Variants in PATJ observed in about 807,000 individuals in gnomAD.
The protein encoded by PATJ is PATJ crumbs cell polarity complex component, also known as inaD-like protein.
PATJ carries 190 observed loss-of-function variants against 224.9 expected under a neutral mutation model. The observed-to-expected ratio is 0.84, with a 90% CI of 0.75 to 0.95. The LOEUF (loss-of-function observed/expected upper bound fraction) is 0.95, where lower values mean the gene tolerates loss of function less well. PATJ is among the 40% of genes least tolerant of loss of function. The pLI is 0.00. For missense variants in PATJ, 2,121 were observed against 2,270.3 expected (o/e 0.93, Z 1.34); for synonymous variants, 769 against 820.3 (o/e 0.94, Z 1.07).
rs1187254775 is a variant in PATJ at position 62,086,215 on chromosome 1, GATTA to G, written c.4377+1574_4377+1577del. Among the ~76,000 whole-genome samples the G allele has an allele frequency of 7.5e-6, 1 of 133,082 alleles. No individual in the cohort carries two copies. Among genetic ancestry groups the G allele is most frequent in the Non-Finnish European group, 1.6e-5 (1 of 64,222 alleles). The allele number at this position is 133,082 out of a possible 152,430, so 87.3% of individuals were successfully genotyped here. ...CTGGGTTTTGATTTACTCAAGATGT[GATTA>G]ATTAATGCATGTGTGTGTGTGTGTA... On this transcript the variant is annotated intron_variant, in intron 33 of 43. Coordinates refer to ENST00000642238, the MANE Select transcript of PATJ (RefSeq NM_001350145.3). This position sits in a 1 kb window ranked among gnomAD's most constrained non-coding sequence, Gnocchi z 4.0.
At chr1:61,764,371 G>T (rs1297843969) in intron 3 of PATJ, among the ~76,000 whole-genome samples, 1 of 151,570 alleles carries the variant, frequency 6.6e-6, no homozygotes, top group African/African-American at 2.4e-5. Flanking sequence ...TATTGAATAA[G>T]GGACACATAT....
At chr1:61,986,438 G>T (rs1644760255) in intron 27 of PATJ, among the ~76,000 whole-genome samples, 1 of 151,848 alleles carries the variant, frequency 6.6e-6, no homozygotes, top group Admixed American at 6.6e-5. Flanking sequence ...TTTACTTTTA[G>T]AGATGGGGGT....
chr1:61,816,026 G>C (rs1656038264), intron 14 of PATJ, among the ~76,000 whole-genome samples: 1 of 152,074 alleles, frequency 6.6e-6, no homozygotes, highest in Admixed American at 6.5e-5. Context: ...TCGCTTGTGT[G>C]GGAAACAAAA....
chr1:61,902,151 G>A (rs889187146), intron 24 of PATJ, among the ~76,000 whole-genome samples: 12 of 151,960 alleles, frequency 7.9e-5, no homozygotes, highest in Admixed American at 2.0e-4. Flanking sequence ...AACCCTGGAG[G>A]TGGGGGTCTC....
intron 29 of PATJ, among the ~76,000 whole-genome samples, chr1:62,031,011 G>A (rs1332632): frequency 0.13 from 20,328 of 152,148 alleles, 1,575 homozygotes; most frequent in Middle Eastern, 0.26. Flanking sequence ...CTTGTATAGA[G>A]CATGTTAGAA....
chr1:61,781,272 G>T (rs1198977502), intron 7 of PATJ, among the ~76,000 whole-genome samples: 1 of 152,194 alleles, frequency 6.6e-6, no homozygotes, highest in Non-Finnish European at 1.5e-5. Flanking sequence ...AGGAACAAGA[G>T]AGCTATTATC....
rs545535182 is a variant in PATJ, at chr1:62,037,848, A to T, written c.3960-129A>T. 2.0e-5 allele frequency: 6 copies of T among 303,176 alleles called. No individual in the cohort carries two copies. The East Asian group carries it at 2.4e-4, about 12-fold the overall frequency. The allele number at this position is 303,176 out of a possible 1,614,324, so 18.8% of individuals were successfully genotyped here. Reference sequence around the variant, plus strand: ...CTATATATATGGAAGCTATATATTTATATATATATATTTAATTCTATGATG... The same window carrying T: ...CTATATATATGGAAGCTATATATTTTTATATATATATTTAATTCTATGATG... On this transcript the variant is annotated intron_variant, in intron 29 of 43. Transcript: ENST00000642238.
intron 22 of PATJ, among the ~76,000 whole-genome samples, chr1:61,885,392 A>T (rs1668672110): frequency 6.6e-6 from 1 of 152,228 alleles, no homozygotes; most frequent in Non-Finnish European, 1.5e-5. Flanking sequence ...ACTTCTCAAA[A>T]GAAGACATTT....
In PATJ at chr1:61,908,460, A is replaced by C. The variant is rs1672156645; in HGVS notation, c.3470A>C (p.Gln1157Pro). ...NAGNPVVFIV[Q>P]SLSSTPRVIP... ...GGAAACCCTGTGGTGTTCATTGTTC[A>C]GAGTTTGTCATCCACTCCACGAGTA... Residue 1157 changes from glutamine (Q) to proline (P), a missense_variant, in exon 25 of 44, where the codon CAG (glutamine) becomes CCG (proline). Physicochemically the swap from Gln to Pro is moderately conservative, Grantham distance 76. Transcript: ENST00000642238. 2 of 1,613,208 alleles carry C rather than the reference A, an allele frequency of 1.2e-6. No homozygotes were observed. The highest frequency in any genetic ancestry group is 1.7e-4 in the Middle Eastern group (1 of 6,060).
intron 4 of PATJ, among the ~76,000 whole-genome samples, chr1:61,768,825 A>C (rs1406708285): frequency 6.6e-6 from 1 of 152,062 alleles, no homozygotes; most frequent in Non-Finnish European, 1.5e-5. Flanking sequence ...GCTTGAGCCC[A>C]GAAGACGGAG....
At chr1:61,751,805 A>G (rs993484868) in intron 1 of PATJ, among the ~76,000 whole-genome samples, 1 of 151,672 alleles carries the variant, frequency 6.6e-6, no homozygotes, top group Non-Finnish European at 1.5e-5. Context: ...CAGCATGGGC[A>G]ACAGAGTGAG....
chr1:62,021,456 G>GTA (rs1647076547), intron 29 of PATJ, among the ~76,000 whole-genome samples: 2 of 151,888 alleles, frequency 1.3e-5, no homozygotes, highest in Admixed American at 1.3e-4. Context: ...TACAGTGTGT[G>GTA]GCATATAATG....
At chr1:61,916,947 G>A (rs747278306) in intron 26 of PATJ, among the ~76,000 whole-genome samples, 11 of 152,138 alleles carry the variant, frequency 7.2e-5, no homozygotes, top group East Asian at 1.9e-4. Context: ...GTCTGGGTAC[G>A]TCGGCTGATC....
rs80291206 is a variant in PATJ at position 62,053,247 on chromosome 1, G to A, written c.4125+2189G>A. Among the ~76,000 whole-genome samples, 75 of 152,284 alleles carry A rather than the reference G, an allele frequency of 4.9e-4. 1 individual carries two copies. The East Asian group carries it at 9.1e-3, about 18-fold the overall frequency. The stretch of plus-strand genomic sequence containing the variant: ...AAGGCTTTCCCATACCCATTGACTA[G>A]TGTCTGTCTTTTTCCACTCTGTTCC... On this transcript the variant is annotated intron_variant, in intron 31 of 43. Transcript: ENST00000642238.
intron 29 of PATJ, among the ~76,000 whole-genome samples, chr1:62,024,569 C>A (rs573257569): frequency 4.9e-4 from 75 of 151,592 alleles, no homozygotes; most frequent in African/African-American, 1.8e-3. Flanking sequence ...CATGAGCTTG[C>A]TTTTTTTCTT....
intron 1 of PATJ, 80 bp from the exon 2 acceptor site, chr1:61,762,778 G>C: frequency 1.6e-6 from 1 of 616,050 alleles, no homozygotes; most frequent in East Asian, 2.9e-5. Context: ...ATGTTCTTGA[G>C]GTTTTCCTTA....
rs943886006 is a variant in PATJ, at chr1:61,955,888, T to C, written c.3670+28059T>C. On this transcript the variant is annotated intron_variant, in intron 27 of 43. Coordinates refer to ENST00000642238, the MANE Select transcript of PATJ (RefSeq NM_001350145.3). Reference sequence around the variant, plus strand: ...AATTGATTGCTATTCTCTTTTTTGGTAATTCATGTTGTACATCCACTCATT... The same window carrying C: ...AATTGATTGCTATTCTCTTTTTTGGCAATTCATGTTGTACATCCACTCATT... Among the ~76,000 whole-genome samples the C allele has an allele frequency of 5.3e-5, 8 of 152,262 alleles. No individual in the cohort carries two copies. The East Asian group carries it at 9.6e-4, about 18-fold the overall frequency.
Position 61,763,159 on chromosome 1 carries a change from A to C in PATJ, c.169A>C (p.Ile57Leu). 6.3e-7 allele frequency: 1 copy of C among 1,589,744 alleles called. No homozygotes were observed. ...CCAGATACTCACACTTCAGCAGTCC[A>C]TCAAGCAACTGAAGGGTCAAGTAAG... Reference protein sequence around the residue: ...FNQILTLQQSIKQLKGQLNHI... With the variant: ...FNQILTLQQSLKQLKGQLNHI... Residue 57 changes from isoleucine to leucine, a missense_variant, in exon 3 of 44, where the codon ATC becomes CTC. Ile to Leu is a conservative substitution (Grantham distance 5). Transcript: ENST00000642238.
chr1:62,074,934 AG>A (rs1353148649), intron 31 of PATJ, among the ~76,000 whole-genome samples: 5 of 152,210 alleles, frequency 3.3e-5, no homozygotes, highest in Non-Finnish European at 7.4e-5. Flanking sequence ...ACTGCACTCC[AG>A]CCTGGATGAC....
Sources: gnomAD v4.1 joint callset for allele counts (sites outside exome capture counted in the v4.1 genomes callset) on GRCh38, gnomAD v4.1.1 for gene constraint, Gnocchi (gnomAD v3.1) non-coding constraint, MANE v1.5 for transcripts, NCBI Gene and HGNC (gene_info 2026-07-23, HGNC 2026-07-21) for gene names.